GRIA3: variants seen among roughly 807,000 people sequenced by gnomAD.
GRIA3 encodes glutamate receptor 3.
A neutral mutation model predicts 63.0 loss-of-function variants in GRIA3; 3 were observed. The ratio of observed to expected loss-of-function variants is 0.05; its 90% CI spans 0.02 to 0.12. The LOEUF (loss-of-function observed/expected upper bound fraction) is 0.12. GRIA3 is among the 10% of genes least tolerant of loss of function. The pLI, the probability that GRIA3 is intolerant of heterozygous loss-of-function variation, is 1.00. For synonymous variants in GRIA3, 274 were observed against 257.9 expected (o/e 1.06, Z -0.60); for missense variants, 347 against 700.9 (o/e 0.50, Z 5.70).
chrX:123,277,085 CTGCCTGTTTTTTTTT>C (rs1277373861), intron 3 of GRIA3, among the ~76,000 whole-genome samples: 1 of 89,310 alleles, frequency 1.1e-5, no homozygotes, highest in African/African-American at 5.1e-5. Context: ...TTGAACTCCT[CTGCCTGTTTTTTTTT>C]TAACTTTTTT....
In GRIA3 at chrX:123,483,062, A is replaced by G. The variant is rs761844014; in HGVS notation, c.*2+16A>G. Reference sequence around the variant, plus strand: ...AGATCTAGGGGTACGGTTAAGGTCTAGTAAACTAATCAGCTTTACTTTACT... The same window carrying G: ...AGATCTAGGGGTACGGTTAAGGTCTGGTAAACTAATCAGCTTTACTTTACT... On this transcript the variant is annotated intron_variant, in intron 15 of 15. Transcript: ENST00000620443. 19 of 1,167,387 alleles carry G rather than the reference A, an allele frequency of 1.6e-5. No individual in the cohort carries two copies. In the African/African-American group the frequency reaches 2.8e-4, roughly 17 times the overall value.
chrX:123,263,456 C>T (rs2147289833), intron 3 of GRIA3, among the ~76,000 whole-genome samples: 1 of 112,453 alleles, frequency 8.9e-6, no homozygotes, highest in East Asian at 2.8e-4. Context: ...ACTGCCTCAG[C>T]AGGCTTTCTC....
chrX:123,195,284 T>C, intron 2 of GRIA3, among the ~76,000 whole-genome samples: 1 of 112,433 alleles, frequency 8.9e-6, no homozygotes, highest in Non-Finnish European at 1.9e-5. Flanking sequence ...ACATGCCTTA[T>C]CTCATGGAAT....
At chrX:123,212,544 G>A (rs925941467) in intron 2 of GRIA3, among the ~76,000 whole-genome samples, 1 of 111,737 alleles carries the variant, frequency 8.9e-6, no homozygotes, top group African/African-American at 3.3e-5. Flanking sequence ...TTTATCTATC[G>A]AGAGCTCTAG....
At chrX:123,403,246 A>G (rs980825663) in intron 8 of GRIA3, 148 bp downstream of exon 8, 14 of 586,809 alleles carry the variant, frequency 2.4e-5, no homozygotes, top group African/African-American at 4.4e-5. Context: ...TAGCACACCT[A>G]TGTGTCAGTG....
intron 11 of GRIA3, chrX:123,418,021 C>A (rs1420792787): frequency 1.7e-5 from 6 of 350,288 alleles, no homozygotes; most frequent in Non-Finnish European, 2.9e-5. Flanking sequence ...AACATTTGAA[C>A]TCTGGATAAA....
At chrX:123,383,171 C>T (rs907099900) in intron 5 of GRIA3, among the ~76,000 whole-genome samples, 4 of 112,081 alleles carry the variant, frequency 3.6e-5, no homozygotes, top group Admixed American at 9.5e-5. Flanking sequence ...CATATTTGTA[C>T]ATATCTGTAG....
chrX:123,185,884 C>T lies in GRIA3; in HGVS notation c.162C>T (p.Ala54=), dbSNP rs758158942. 2.3e-5 allele frequency: 28 copies of T among 1,206,512 alleles called. No homozygotes were observed. Among genetic ancestry groups the T allele is most frequent in the South Asian group, 5.3e-5 (3 of 56,770 alleles). ...TVQEHSAFRF[A]VQLYNTNQNT... is the part of the protein sequence containing the mutation. ...AGGAGCACAGCGCTTTCCGCTTTGCCGTGCAGTTATACAACACCAACCAGA... is the reference window on the plus strand; with the variant it reads ...AGGAGCACAGCGCTTTCCGCTTTGCTGTGCAGTTATACAACACCAACCAGA... The change falls in exon 2 of 16, where the codon GCC becomes GCT. Residue 54 remains alanine, a synonymous_variant. Transcript: ENST00000620443.
At position 123,275,861 on chromosome X, in the gene GRIA3, C is replaced by T. The variant is rs746289490; in HGVS notation, c.508+22319C>T. Among the ~76,000 whole-genome samples the T allele has an allele frequency of 3.6e-5, 4 of 112,093 alleles. No homozygotes were observed. In the South Asian group the frequency reaches 1.5e-3, roughly 42 times the overall value. On this transcript the variant is annotated intron_variant, in intron 3 of 15. Coordinates refer to ENST00000620443, the MANE Select transcript of GRIA3 (RefSeq NM_007325.5). Reference sequence around the variant, plus strand: ...TTGTTCCTTTAAGCTCCAAATGTGCCTTTTCGTGTATCATTGTATCTAGCT... The same window carrying T: ...TTGTTCCTTTAAGCTCCAAATGTGCTTTTTCGTGTATCATTGTATCTAGCT...
At chrX:123,230,155 T>C (rs368446598) in intron 2 of GRIA3, among the ~76,000 whole-genome samples, 1 of 112,145 alleles carries the variant, frequency 8.9e-6, no homozygotes, top group East Asian at 2.8e-4. Context: ...AGATGGTTTT[T>C]AGTACCTCAT....
At chrX:123,316,010 TAAAA>T (rs59913158) in intron 3 of GRIA3, among the ~76,000 whole-genome samples, 7 of 81,952 alleles carry the variant, frequency 8.5e-5, no homozygotes, top group African/African-American at 2.7e-4. Flanking sequence ...ACCCCATCTC[TAAAA>T]AAAAAAAAAA....
intron 2 of GRIA3, among the ~76,000 whole-genome samples, chrX:123,189,996 A>G (rs1927385920): frequency 8.9e-6 from 1 of 111,954 alleles, no homozygotes; most frequent in Non-Finnish European, 1.9e-5. Flanking sequence ...TAATTATCTA[A>G]TTATTATAAT....
intron 12 of GRIA3, among the ~76,000 whole-genome samples, chrX:123,441,827 C>T (rs1464223868): frequency 9.0e-6 from 1 of 110,693 alleles, no homozygotes; most frequent in African/African-American, 3.3e-5. Flanking sequence ...TCTGAACACA[C>T]ACACACACAC....
chrX:123,465,867 G>A, intron 13 of GRIA3: 2 of 731,919 alleles, frequency 2.7e-6, no homozygotes, highest in Non-Finnish European at 4.3e-6. Context: ...ATTGAGGAGA[G>A]AGCACAAGAC....
At chrX:123,198,138 T>A (rs1301369491) in intron 2 of GRIA3, among the ~76,000 whole-genome samples, 1 of 112,091 alleles carries the variant, frequency 8.9e-6, no homozygotes, top group Admixed American at 9.5e-5. Flanking sequence ...ATTCATATGA[T>A]GAAAGCTCAA....
chrX:123,344,388 G>C (rs750121027), intron 4 of GRIA3, among the ~76,000 whole-genome samples: 4 of 111,796 alleles, frequency 3.6e-5, no homozygotes, highest in Non-Finnish European at 5.6e-5. Flanking sequence ...CAAGTCAGAA[G>C]AGTGAGGGAG....
intron 2 of GRIA3, among the ~76,000 whole-genome samples, chrX:123,251,942 A>G (rs1341283032): frequency 1.8e-5 from 2 of 112,414 alleles, no homozygotes; most frequent in African/African-American, 6.5e-5. Flanking sequence ...AAATGCAGGG[A>G]AAGCAAAATA....
At chrX:123,329,010 C>G (rs766681338) in intron 4 of GRIA3, among the ~76,000 whole-genome samples, 1 of 111,740 alleles carries the variant, frequency 8.9e-6, no homozygotes, top group African/African-American at 3.2e-5. Context: ...GGTTCCTAAC[C>G]AGTCTTTTGA....
intron 12 of GRIA3, among the ~76,000 whole-genome samples, chrX:123,436,039 G>C (rs770372389): frequency 3.6e-5 from 4 of 111,297 alleles, no homozygotes; most frequent in African/African-American, 9.8e-5. Context: ...AAAGACTCAG[G>C]GGGAGGGAGA....
Sources: allele counts gnomAD v4.1 joint callset (sites outside exome capture counted in the v4.1 genomes callset), GRCh38; gene constraint gnomAD v4.1.1; transcripts MANE v1.5; gene names NCBI Gene and HGNC (gene_info 2026-07-23, HGNC 2026-07-21).